SGK1: variants seen among roughly 807,000 people sequenced by gnomAD.
SGK1 encodes serine/threonine-protein kinase Sgk1.
SGK1 carries 26 observed loss-of-function variants against 64.2 expected under a neutral mutation model. That is an observed-to-expected ratio of 0.40 (90% CI 0.30 to 0.56). The LOEUF (loss-of-function observed/expected upper bound fraction) is 0.56, where lower values mean the gene tolerates loss of function less well. SGK1 is among the 20% of genes least tolerant of loss of function. The pLI is 0.38. For synonymous variants in SGK1, 265 were observed against 239.7 expected (o/e 1.11, Z -0.98); for missense variants, 519 against 645.6 (o/e 0.80, Z 2.12).
intron 2 of SGK1, among the ~76,000 whole-genome samples, chr6:134,254,598 C>T (rs966019690): frequency 6.6e-5 from 10 of 152,142 alleles, no homozygotes; most frequent in African/African-American, 2.4e-4. Context: ...TAATGTCCTC[C>T]TTGACTCATC....
chr6:134,287,698 A>C (rs1241579070), intron 1 of SGK1, among the ~76,000 whole-genome samples: 1 of 152,080 alleles, frequency 6.6e-6, no homozygotes, highest in Admixed American at 6.6e-5. Context: ...AAATGTGATA[A>C]TGACTTAATA....
intron 1 of SGK1, among the ~76,000 whole-genome samples, chr6:134,280,443 A>T (rs1012016826): frequency 2.6e-5 from 4 of 151,938 alleles, no homozygotes; most frequent in Non-Finnish European, 4.4e-5. Context: ...AAATATATAT[A>T]TTTTTTAATT....
intron 2 of SGK1, among the ~76,000 whole-genome samples, chr6:134,251,674 C>T (rs562351318): frequency 2.6e-5 from 4 of 152,146 alleles, no homozygotes; most frequent in Non-Finnish European, 5.9e-5. Context: ...AAGTGAGCTA[C>T]GAGTGCAGCC....
At chr6:134,219,889 C>T (rs1206369727) in intron 2 of SGK1, among the ~76,000 whole-genome samples, 8 of 143,476 alleles carry the variant, frequency 5.6e-5, no homozygotes, top group Non-Finnish European at 1.1e-4. Context: ...GAAACCCCGT[C>T]TCTACTAAAA....
At chr6:134,213,121 C>T (rs891022722) in intron 2 of SGK1, among the ~76,000 whole-genome samples, 3 of 152,140 alleles carry the variant, frequency 2.0e-5, no homozygotes, top group African/African-American at 2.4e-5. Context: ...ATTTTAAGCA[C>T]AAGTTTATAG....
At chr6:134,174,383 T>C (rs528183566) in intron 4 of SGK1, 128 bp downstream of exon 4, 1 of 668,206 alleles carries the variant, frequency 1.5e-6, no homozygotes, top group African/African-American at 1.8e-5. Context: ...TATATTAGAA[T>C]TTAAGGAGAA....
chr6:134,170,961 A>AAGGGCAGGGAGGTCT, intron 12 of SGK1, 46 bp from the exon 13 acceptor site: 1 of 1,607,304 alleles, frequency 6.2e-7, no homozygotes, highest in Non-Finnish European at 8.5e-7. Context: ...TGCATTCAAT[A>AAGGGCAGGGAGGTCT]AGGGCAGGGA....
chr6:134,252,971 AT>A (rs1294019786), intron 2 of SGK1, among the ~76,000 whole-genome samples: 3 of 152,198 alleles, frequency 2.0e-5, no homozygotes, highest in African/African-American at 7.2e-5. Flanking sequence ...ATTTAAGTAT[AT>A]TTTTTATAGC....
chr6:134,175,661 T>C, intron 3 of SGK1: 1 of 1,500,436 alleles, frequency 6.7e-7, no homozygotes, highest in Non-Finnish European at 8.9e-7. Context: ...ATCTCCCCCA[T>C]GGGCAGCGGG....
At chr6:134,269,145 G>C (rs1162923938) in intron 1 of SGK1, among the ~76,000 whole-genome samples, 1 of 147,384 alleles carries the variant, frequency 6.8e-6, no homozygotes, top group Admixed American at 7.0e-5. Flanking sequence ...ATTATAGAGA[G>C]TTTAGGTACT....
intron 3 of SGK1, chr6:134,175,919 G>T: frequency 8.7e-7 from 1 of 1,155,964 alleles, no homozygotes; most frequent in Non-Finnish European, 1.1e-6. Context: ...GGGGGAGGGA[G>T]AGGTCAGGAA....
At chr6:134,206,033 A>G (rs949058615) in intron 3 of SGK1, among the ~76,000 whole-genome samples, 2 of 152,084 alleles carry the variant, frequency 1.3e-5, no homozygotes, top group Admixed American at 1.3e-4. Flanking sequence ...CTCTTTGTCT[A>G]AGCGTAATTT....
intron 1 of SGK1, among the ~76,000 whole-genome samples, chr6:134,282,787 G>A (rs974966695): frequency 2.6e-5 from 4 of 151,744 alleles, no homozygotes; most frequent in Non-Finnish European, 5.9e-5. Context: ...TGCAGCCTAA[G>A]ACTTCTGGCC....
intron 1 of SGK1, among the ~76,000 whole-genome samples, chr6:134,290,673 G>T (rs1777251473): frequency 6.6e-6 from 1 of 152,122 alleles, no homozygotes; most frequent in African/African-American, 2.4e-5. Flanking sequence ...GCTTCTCATT[G>T]TGCCTCAGAT....
At chr6:134,183,843 TCCCCACCCCACCCCCACC>T (rs1430073626) in intron 3 of SGK1, among the ~76,000 whole-genome samples, 2 of 137,282 alleles carry the variant, frequency 1.5e-5, no homozygotes, top group African/African-American at 2.7e-5. Context: ...GAAGAACCTG[TCCCCACCCCACCCCCACC>T]CCCCACCCCC....
intron 2 of SGK1, among the ~76,000 whole-genome samples, chr6:134,231,765 T>G (rs1310596860): frequency 1.3e-5 from 2 of 152,002 alleles, no homozygotes; most frequent in Non-Finnish European, 2.9e-5. Flanking sequence ...GAAGGCCAGG[T>G]GTGGTGGCTC....
chr6:134,293,527 A>C (rs1777297478), intron 1 of SGK1, among the ~76,000 whole-genome samples: 2 of 152,200 alleles, frequency 1.3e-5, no homozygotes, highest in African/African-American at 4.8e-5. Context: ...TTAAACCTCA[A>C]GATTTGATAA....
chr6:134,276,783 G>A (rs532119012), intron 1 of SGK1, among the ~76,000 whole-genome samples: 2 of 152,180 alleles, frequency 1.3e-5, no homozygotes, highest in Non-Finnish European at 2.9e-5. Flanking sequence ...TGTGCATGGT[G>A]GCTCACACCT....
In SGK1 at chr6:134,281,083, A is replaced by G. The variant is rs1386716941; in HGVS notation, c.70-18935T>C. On this transcript the variant is annotated intron_variant, in intron 1 of 13. Transcript: ENST00000367858. The stretch of plus-strand genomic sequence containing the variant: ...CTCCATCTCCAAAAAAACCAGAAAC[A>G]AAATACCAGATCCAATCTTTGGAAA... Among the ~76,000 whole-genome samples, 3 of 152,098 alleles carry G rather than the reference A, an allele frequency of 2.0e-5. No individual in the cohort carries two copies. In the East Asian group the frequency reaches 5.8e-4, roughly 29 times the overall value.
Sources: allele counts gnomAD v4.1 joint callset (sites outside exome capture counted in the v4.1 genomes callset), GRCh38; gene constraint gnomAD v4.1.1; transcripts MANE v1.5; gene names NCBI Gene and HGNC (gene_info 2026-07-23, HGNC 2026-07-21).